ACACA: variants seen among roughly 807,000 people sequenced by gnomAD.
ACACA encodes the protein acetyl-CoA carboxylase alpha, also known as acetyl-CoA carboxylase 1.
ACACA carries 103 observed loss-of-function variants against 296.1 expected under a neutral mutation model. The observed-to-expected ratio is 0.35, with a 90% confidence interval of 0.30 to 0.41. The LOEUF is 0.41. ACACA is among the 10% of genes least tolerant of loss of function. The pLI is 1.00. For missense variants in ACACA, 1,554 were observed against 2,989.7 expected (o/e 0.52, Z 11.20); for synonymous variants, 953 against 1,038.6 (o/e 0.92, Z 1.58).
intron 1 of ACACA, among the ~76,000 whole-genome samples, chr17:37,381,374 C>A (rs1419070320): frequency 2.6e-5 from 4 of 151,722 alleles, no homozygotes; most frequent in Non-Finnish European, 4.4e-5. Flanking sequence ...TTAGTAGAGA[C>A]AAGGTTTCAC....
At chr17:37,378,154 T>G (rs916094723) in intron 1 of ACACA, among the ~76,000 whole-genome samples, 2 of 152,176 alleles carry the variant, frequency 1.3e-5, no homozygotes, top group Non-Finnish European at 2.9e-5. Flanking sequence ...CATGCTTATA[T>G]TACTCAAATG....
At chr17:37,146,854 C>A (rs1021157059) in intron 45 of ACACA, among the ~76,000 whole-genome samples, 6 of 150,656 alleles carry the variant, frequency 4.0e-5, no homozygotes, top group Non-Finnish European at 8.9e-5. Context: ...CCCAACCCCC[C>A]TTCCTGCAAA....
intron 3 of ACACA, 61 bp from the exon 4 acceptor site, chr17:37,285,031 T>G: frequency 6.3e-7 from 1 of 1,597,298 alleles, no homozygotes; most frequent in South Asian, 1.1e-5. Context: ...TGCTTTTCAC[T>G]ACCATACCCA....
At position 37,406,255 on chromosome 17, in the gene ACACA, G is replaced by C; in HGVS notation, c.38+7C>G. The C allele has an allele frequency of 4.3e-6, 7 of 1,614,008 alleles. No homozygotes were observed. Among genetic ancestry groups the C allele is most frequent in the Non-Finnish European group, 5.9e-6 (7 of 1,179,914 alleles). On this transcript the variant is annotated splice_region_variant and intron_variant, in intron 1 of 55. Coordinates refer to ENST00000616317, the MANE Select transcript of ACACA (RefSeq NM_198834.3). The stretch of plus-strand genomic sequence containing the variant: ...TAACAGCAGTAATAAGAGATCTTGG[G>C]ACATACCTAGCCCTCAAGATTGACA...
At chr17:37,244,956 A>G (rs2145986983) in intron 20 of ACACA, 124 bp downstream of exon 20, 1 of 1,457,266 alleles carries the variant, frequency 6.9e-7, no homozygotes, top group Non-Finnish European at 9.6e-7. Flanking sequence ...TACAAGGCAT[A>G]AGATTAATAG....
chr17:37,386,422 C>A (rs1316787571), intron 1 of ACACA, among the ~76,000 whole-genome samples: 1 of 151,974 alleles, frequency 6.6e-6, no homozygotes, highest in Non-Finnish European at 1.5e-5. Context: ...TGAAAACCCG[C>A]CTCTACTAAA....
chr17:37,284,475 T>C (rs927070118), intron 4 of ACACA, among the ~76,000 whole-genome samples: 1 of 152,194 alleles, frequency 6.6e-6, no homozygotes, highest in Non-Finnish European at 1.5e-5. Context: ...ACAGGGTCCC[T>C]CTGTCGCCCA....
chr17:37,192,043 C>A, intron 37 of ACACA, 47 bp downstream of exon 37: 1 of 1,567,790 alleles, frequency 6.4e-7, no homozygotes, highest in Non-Finnish European at 8.8e-7. Context: ...ATCTATTATT[C>A]TGTCCCTTCC....
At chr17:37,103,969 A>C (rs2073518996) in intron 52 of ACACA, among the ~76,000 whole-genome samples, 1 of 152,192 alleles carries the variant, frequency 6.6e-6, no homozygotes, top group Admixed American at 6.5e-5. Flanking sequence ...GCTGGAGCCC[A>C]GGAGTTCAAG....
chr17:37,259,331 G>C (rs1555619104), intron 12 of ACACA, 29 bp downstream of exon 12: 1 of 1,613,622 alleles, frequency 6.2e-7, no homozygotes, highest in Admixed American at 1.7e-5. Flanking sequence ...ACTTTTCTAG[G>C]CTCTGCAACC....
intron 29 of ACACA, among the ~76,000 whole-genome samples, chr17:37,215,219 G>A (rs2078929507): frequency 1.3e-5 from 2 of 152,172 alleles, no homozygotes; most frequent in African/African-American, 4.8e-5. Context: ...AAACAGCAGA[G>A]AAGGTACAGT....
At chr17:37,399,876 T>G (rs1289806305) in intron 1 of ACACA, among the ~76,000 whole-genome samples, 1 of 151,844 alleles carries the variant, frequency 6.6e-6, no homozygotes, top group East Asian at 1.9e-4. Context: ...CTAAGAAATT[T>G]ATTTTATTTA....
At chr17:37,144,888 AC>A (rs998327331) in intron 45 of ACACA, among the ~76,000 whole-genome samples, 7 of 152,100 alleles carry the variant, frequency 4.6e-5, no homozygotes, top group Non-Finnish European at 1.5e-5. Flanking sequence ...TGAATCTATC[AC>A]CTGCATATCA....
chr17:37,342,458 T>TATATACAC (rs1369014067), intron 1 of ACACA, among the ~76,000 whole-genome samples: 4 of 98,378 alleles, frequency 4.1e-5, no homozygotes, highest in African/African-American at 1.9e-4. Flanking sequence ...TATATATATA[T>TATATACAC]ACACACACAC....
chr17:37,285,050 C>A (rs776627071), intron 3 of ACACA, 80 bp from the exon 4 acceptor site: 19 of 1,527,248 alleles, frequency 1.2e-5, no homozygotes, highest in Non-Finnish European at 1.7e-5. Context: ...CATAACAGTA[C>A]TTTCACAACT....
At chr17:37,298,147 T>C (rs1351879254) in intron 3 of ACACA, among the ~76,000 whole-genome samples, 1 of 151,916 alleles carries the variant, frequency 6.6e-6, no homozygotes, top group Non-Finnish European at 1.5e-5. Context: ...TTTATACCTC[T>C]TTGCCTCTCA....
chr17:37,278,925 T>A (rs2082385231), intron 5 of ACACA, among the ~76,000 whole-genome samples: 1 of 152,216 alleles, frequency 6.6e-6, no homozygotes, highest in South Asian at 2.1e-4. Context: ...CCAGGTTTGT[T>A]ACATAGGTAA....
rs751580723 is a variant in ACACA at position 37,097,459 on chromosome 17, A to G, written c.6721-293T>C. ...GTTCCCAGATAACCAGACAAGGATA[A>G]ATTCGTTTTGAGAAGATGGATCAAA... On this transcript the variant is annotated intron_variant, in intron 53 of 55. Coordinates refer to ENST00000616317, the MANE Select transcript of ACACA (RefSeq NM_198834.3). The surrounding 1 kb of genome is among the most constrained non-coding windows in gnomAD (Gnocchi z 4.8). 6.6e-6 allele frequency among the ~76,000 whole-genome samples: 1 copy of G among 152,182 alleles called. No homozygotes were observed. Among genetic ancestry groups the G allele is most frequent in the Non-Finnish European group, 1.5e-5 (1 of 68,036 alleles).
At chr17:37,390,334 A>ATATATATATATATATATAT (rs2050822111) in intron 1 of ACACA, among the ~76,000 whole-genome samples, 10 of 93,394 alleles carry the variant, frequency 1.1e-4, no homozygotes, top group African/African-American at 3.2e-4. Context: ...ATATATATAT[A>ATATATATATATATATATAT]AAAGGCCAGC....
Sources: gnomAD v4.1 joint callset for allele counts (sites outside exome capture counted in the v4.1 genomes callset) on GRCh38, gnomAD v4.1.1 for gene constraint, Gnocchi (gnomAD v3.1) non-coding constraint, MANE v1.5 for transcripts, NCBI Gene and HGNC (gene_info 2026-07-23, HGNC 2026-07-21) for gene names.